MAF: variants seen among roughly 807,000 people sequenced by gnomAD.
MAF encodes transcription factor Maf.
MAF carries 10 observed loss-of-function variants against 22.0 expected under a neutral mutation model. That is an observed-to-expected ratio of 0.45 (90% CI 0.28 to 0.77). The LOEUF is 0.77. Among genes scored for constraint, MAF ranks in the 30% least tolerant of loss-of-function variants. MAF has a pLI of 0.12. For synonymous variants in MAF, 337 were observed against 255.8 expected, an observed-to-expected ratio of 1.32 and a Z score of -3.03; for missense variants, 544 against 548.4, an observed-to-expected ratio of 0.99 and a Z score of 0.08.
chr16:79,358,954 T>A, the MAF span, among the ~76,000 whole-genome samples: 1 of 152,126 alleles, frequency 6.6e-6, no homozygotes, highest in Non-Finnish European at 1.5e-5. Flanking sequence ...CCTGGCTGCT[T>A]GGGAAGGCCA....
At chr16:79,388,107 C>G in the MAF span, among the ~76,000 whole-genome samples, 1 of 152,196 alleles carries the variant, frequency 6.6e-6, no homozygotes, top group African/African-American at 2.4e-5. Flanking sequence ...CCTGGTTTCA[C>G]TTACTTCTCC....
the MAF span, among the ~76,000 whole-genome samples, chr16:79,472,343 A>G: frequency 6.6e-6 from 1 of 152,246 alleles, no homozygotes; most frequent in Admixed American, 6.5e-5. Context: ...GACATTATTC[A>G]TAATAATCAA....
chr16:79,393,806 G>A, the MAF span, among the ~76,000 whole-genome samples: 6 of 152,156 alleles, frequency 3.9e-5, no homozygotes, highest in African/African-American at 9.7e-5. Context: ...AGGTGTTTAC[G>A]GAGGAGCTGA....
At chr16:79,306,643 C>T in the MAF span, among the ~76,000 whole-genome samples, 1 of 152,182 alleles carries the variant, frequency 6.6e-6, no homozygotes, top group South Asian at 2.1e-4. Context: ...TAGCTCTGGT[C>T]ACACTCTAAG....
chr16:79,232,093 C>T, the MAF span, among the ~76,000 whole-genome samples: 1 of 152,022 alleles, frequency 6.6e-6, no homozygotes, highest in African/African-American at 2.4e-5. Flanking sequence ...GGAACGGCTG[C>T]AATTACAGAT....
At chr16:79,312,740 G>A in the MAF span, among the ~76,000 whole-genome samples, 1 of 152,218 alleles carries the variant, frequency 6.6e-6, no homozygotes, top group Non-Finnish European at 1.5e-5. Flanking sequence ...CTTCGTGCCT[G>A]TCTCCCTTGG....
At chr16:79,553,270 C>T in the MAF span, among the ~76,000 whole-genome samples, 1 of 152,214 alleles carries the variant, frequency 6.6e-6, no homozygotes, top group South Asian at 2.1e-4. Context: ...TTGGCCATTG[C>T]CACCTCTCCA....
chr16:79,539,451 C>G, the MAF span, among the ~76,000 whole-genome samples: 1 of 152,108 alleles, frequency 6.6e-6, no homozygotes, highest in African/African-American at 2.4e-5. Flanking sequence ...TTGCAGTGAG[C>G]CGAGATCGCG....
At chr16:79,528,091 T>C in the MAF span, among the ~76,000 whole-genome samples, 67 of 152,200 alleles carry the variant, frequency 4.4e-4, no homozygotes, top group Admixed American at 3.9e-3. Flanking sequence ...GCAGTGAGCC[T>C]AGATTATGCC....
chr16:79,420,905 G>T, the MAF span, among the ~76,000 whole-genome samples: 1 of 152,086 alleles, frequency 6.6e-6, no homozygotes, highest in East Asian at 1.9e-4. Context: ...ATGGGGGCAG[G>T]CACCTGTAAT....
the MAF span, among the ~76,000 whole-genome samples, chr16:79,211,341 G>A: frequency 6.6e-6 from 1 of 152,150 alleles, no homozygotes; most frequent in African/African-American, 2.4e-5. Flanking sequence ...ATTGATATGT[G>A]TATTTATTTT....
chr16:79,443,586 A>G, the MAF span, among the ~76,000 whole-genome samples: 16,279 of 152,294 alleles, frequency 0.11, 1,048 homozygotes, highest in East Asian at 0.32. Flanking sequence ...CTCTTTTCTT[A>G]TACCCAGCCA....
At chr16:79,310,529 C>A in the MAF span, among the ~76,000 whole-genome samples, 1 of 152,190 alleles carries the variant, frequency 6.6e-6, no homozygotes, top group East Asian at 1.9e-4. Flanking sequence ...ATCTGGAGTT[C>A]AGATGGGAGG....
At chr16:79,494,300 G>C in the MAF span, among the ~76,000 whole-genome samples, 3 of 152,252 alleles carry the variant, frequency 2.0e-5, no homozygotes, top group East Asian at 3.9e-4. Context: ...CCATTCACAG[G>C]GTTGGCAGAA....
chr16:79,498,256 C>T, the MAF span, among the ~76,000 whole-genome samples: 1 of 152,188 alleles, frequency 6.6e-6, no homozygotes, highest in Non-Finnish European at 1.5e-5. Context: ...GCCACGTGGT[C>T]TCCATTGCAA....
chr16:79,394,047 C>T, the MAF span, among the ~76,000 whole-genome samples: 6 of 152,190 alleles, frequency 3.9e-5, no homozygotes, highest in African/African-American at 1.4e-4. Context: ...GAGACGAACG[C>T]TTCACCACGT....
At chr16:79,393,375 T>C in the MAF span, among the ~76,000 whole-genome samples, 1 of 152,176 alleles carries the variant, frequency 6.6e-6, no homozygotes, top group African/African-American at 2.4e-5. Context: ...CATTCCTGAG[T>C]GACAGGATTC....
chr16:79,574,510 A>T, the MAF span, among the ~76,000 whole-genome samples: 8 of 152,178 alleles, frequency 5.3e-5, no homozygotes, highest in African/African-American at 1.9e-4. Context: ...TCGTCTATGC[A>T]TCTCTCTTAG....
chr16:79,530,021 T>C, the MAF span, among the ~76,000 whole-genome samples: 1 of 152,150 alleles, frequency 6.6e-6, no homozygotes, highest in African/African-American at 2.4e-5. Flanking sequence ...CAAGGTTTGT[T>C]TATCAAGTGT....
Sources: gnomAD v4.1 joint callset for allele counts (sites outside exome capture counted in the v4.1 genomes callset) on GRCh38, gnomAD v4.1.1 for gene constraint, MANE v1.5 for transcripts, NCBI Gene and HGNC (gene_info 2026-07-23, HGNC 2026-07-21) for gene names.